The following EPG5 variants were observed in gnomAD, a reference collection of about 807,000 sequenced individuals.
The protein encoded by EPG5 is ectopic P-granules 5 autophagy tethering factor.
EPG5 carries 159 observed loss-of-function variants against 302.7 expected under a neutral mutation model. That is an observed-to-expected ratio of 0.53 (90% CI 0.46 to 0.60). The LOEUF is 0.60. Ranked by LOEUF, EPG5 falls within the 20% of genes least tolerant of loss-of-function variation. The pLI, the probability that EPG5 is intolerant of heterozygous loss-of-function variation, is 0.00. For missense variants in EPG5, 2,896 were observed against 3,092.4 expected, an observed-to-expected ratio of 0.94 and a Z score of 1.51; for synonymous variants, 1,158 against 1,136.8, an observed-to-expected ratio of 1.02 and a Z score of -0.37.
intron 39 of EPG5, among the ~76,000 whole-genome samples, chr18:45,862,522 T>A (rs2048657317): frequency 6.6e-6 from 1 of 152,222 alleles, no homozygotes; most frequent in African/African-American, 2.4e-5. Flanking sequence ...AGGTCCTTCA[T>A]GAATGGTTTA....
intron 1 of EPG5, 74 bp downstream of exon 1, chr18:45,967,103 T>C: frequency 6.9e-7 from 1 of 1,451,386 alleles, no homozygotes. Context: ...TAGAATTGGC[T>C]GGGGAGGCCG....
In EPG5 at chr18:45,946,717, G is replaced by C; in HGVS notation, c.1623C>G (p.Ser541=). ...CHMKPSERKP[S]SSGPGSGTWT... ...AAGTCCCAGACCCAGGCCCTGAGGA[G>C]GATGGCTTCCGCTCGCTGGGCTTCA... Residue 541 remains serine (S), a synonymous_variant, in exon 7 of 44, where the codon TCC becomes TCG. Transcript: ENST00000282041. 6.2e-7 allele frequency: 1 copy of C among 1,614,158 alleles called. No individual in the cohort carries two copies. Among genetic ancestry groups the C allele is most frequent in the Non-Finnish European group, 8.5e-7 (1 of 1,180,042 alleles).
the EPG5 span, chr18:45,837,414 G>A: frequency 7.2e-7 from 1 of 1,379,730 alleles, no homozygotes; most frequent in Non-Finnish European, 9.4e-7. Context: ...CAGGCTAGGG[G>A]TTGGGGGAGC....
chr18:45,853,803 T>C (rs1355799034), intron 43 of EPG5, among the ~76,000 whole-genome samples: 3 of 152,228 alleles, frequency 2.0e-5, no homozygotes, highest in Non-Finnish European at 2.9e-5. Context: ...AATTTAAGAA[T>C]AGGAATCAAC....
At chr18:45,930,536 C>G in intron 12 of EPG5, 140 bp downstream of exon 12, 1 of 576,340 alleles carries the variant, frequency 1.7e-6, no homozygotes. Flanking sequence ...TAATGTTCCA[C>G]TGATTCTCTA....
At chr18:45,961,951 A>G (rs2143897631) in intron 1 of EPG5, among the ~76,000 whole-genome samples, 1 of 150,512 alleles carries the variant, frequency 6.6e-6, no homozygotes, top group Non-Finnish European at 1.5e-5. Context: ...TTTTTTCCAT[A>G]GCGCTTATAA....
the EPG5 span, among the ~76,000 whole-genome samples, chr18:45,835,225 G>C: frequency 1.3e-5 from 2 of 152,294 alleles, no homozygotes; most frequent in East Asian, 3.9e-4. Context: ...AAAACAAAAG[G>C]GAGATAAGCA....
intron 26 of EPG5, among the ~76,000 whole-genome samples, chr18:45,900,515 C>A (rs1171355293): frequency 3.3e-5 from 5 of 152,004 alleles, no homozygotes; most frequent in Admixed American, 6.6e-5. Flanking sequence ...CACAAGATCT[C>A]AAGTTAGATC....
chr18:45,858,716 A>G lies in EPG5; in HGVS notation c.7076T>C (p.Met2359Thr), dbSNP rs1452844026. The G allele has an allele frequency of 6.2e-7, 1 of 1,614,216 alleles. No homozygotes were observed. Among genetic ancestry groups the G allele is most frequent in the Non-Finnish European group, 8.5e-7 (1 of 1,180,032 alleles). ...GAGGCACTCCTGCAGGAACTCTTCC[A>G]TGGTGAGCTCGGGAACCTGAAGGGA... Reference protein sequence around the residue: ...LVSLQVPELTMEEFLQECLTL... With the variant: ...LVSLQVPELTTEEFLQECLTL... Residue 2359 changes from methionine (M) to threonine (T), a missense_variant, in exon 41 of 44, where the codon ATG (methionine) becomes ACG (threonine). Physicochemically the swap from Met to Thr is moderately conservative, Grantham distance 81. Transcript: ENST00000282041.
chr18:45,952,989 C>A (rs2050944996), intron 2 of EPG5, among the ~76,000 whole-genome samples: 1 of 152,038 alleles, frequency 6.6e-6, no homozygotes, highest in Admixed American at 6.6e-5. Flanking sequence ...CTGGCCAACA[C>A]AGTGAAATGC....
intron 1 of EPG5, among the ~76,000 whole-genome samples, chr18:45,958,437 AC>A (rs1479801927): frequency 1.3e-5 from 2 of 151,624 alleles, no homozygotes; most frequent in African/African-American, 4.9e-5. Context: ...ACTACAAAGT[AC>A]AGTAATAAAG....
chr18:45,920,309 G>T (rs999590108), intron 16 of EPG5, among the ~76,000 whole-genome samples: 1 of 152,222 alleles, frequency 6.6e-6, no homozygotes, highest in African/African-American at 2.4e-5. Context: ...TGAGTGTGCT[G>T]TTCAGAATGT....
intron 29 of EPG5, among the ~76,000 whole-genome samples, chr18:45,886,590 T>C (rs1049176429): frequency 1.3e-5 from 2 of 152,144 alleles, no homozygotes; most frequent in Non-Finnish European, 2.9e-5. Flanking sequence ...TATTTCTAGG[T>C]AGTTAGGATT....
chr18:45,914,541 C>T (rs571685725), intron 20 of EPG5, among the ~76,000 whole-genome samples: 1 of 152,362 alleles, frequency 6.6e-6, no homozygotes, highest in Non-Finnish European at 1.5e-5. Flanking sequence ...ATGGCCAACA[C>T]TCAGTGAGCA....
At chr18:45,947,141 G>A (rs1203823081) in intron 6 of EPG5, among the ~76,000 whole-genome samples, 9 of 152,166 alleles carry the variant, frequency 5.9e-5, no homozygotes, top group Non-Finnish European at 1.3e-4. Flanking sequence ...GAGGCTGGGC[G>A]TGGTGGCTCA....
intron 1 of EPG5, among the ~76,000 whole-genome samples, chr18:45,959,658 C>A (rs1031520021): frequency 6.4e-5 from 9 of 140,874 alleles, no homozygotes; most frequent in Non-Finnish European, 1.2e-4. Context: ...GAGACTGTCT[C>A]TAAATAAATA....
chr18:45,914,970 T>TA (rs11352234), intron 20 of EPG5, among the ~76,000 whole-genome samples: 6 of 146,338 alleles, frequency 4.1e-5, no homozygotes, highest in Non-Finnish European at 7.5e-5. Flanking sequence ...TTTTTTAATT[T>TA]AAAAAAAAAA....
Position 45,955,132 on chromosome 18 carries a change from T to C in EPG5, c.270A>G (p.Ile90Met), listed in dbSNP as rs374098492. 1.2e-6 allele frequency: 2 copies of C among 1,613,974 alleles called. No homozygotes were observed. Among genetic ancestry groups the C allele is most frequent in the African/African-American group, 2.7e-5 (2 of 74,904 alleles). Reference sequence around the variant, plus strand: ...TACACGTCAGGGACTCTTCATTGCTTATAGTTAAGGAGGTGAGTGGTACAT... The same window carrying C: ...TACACGTCAGGGACTCTTCATTGCTCATAGTTAAGGAGGTGAGTGGTACAT... The part of the protein sequence containing the change: ...MFDVPLTSLT[I>M]SNEESLTCNT... Residue 90 changes from isoleucine (I) to methionine (M), a missense_variant, in exon 2 of 44, where the codon ATA becomes ATG. Ile to Met is a conservative substitution (Grantham distance 10). Around this residue, in one of 5 missense-constraint regions of EPG5, gnomAD observed 1,390 missense variants for 1,430.0 expected, o/e 0.97. Coordinates refer to ENST00000282041, the MANE Select transcript of EPG5 (RefSeq NM_020964.3).
the EPG5 span, among the ~76,000 whole-genome samples, chr18:45,828,338 C>G: frequency 6.6e-6 from 1 of 152,194 alleles, no homozygotes; most frequent in African/African-American, 2.4e-5. Context: ...ATACTCGACA[C>G]CCAGTGCCCA....
Sources: allele counts gnomAD v4.1 joint callset (sites outside exome capture counted in the v4.1 genomes callset), GRCh38; gene constraint gnomAD v4.1.1; regional missense constraint gnomAD v4.1.1; transcripts MANE v1.5; gene names NCBI Gene and HGNC (gene_info 2026-07-23, HGNC 2026-07-21).